Variants in SPICE1 observed in about 807,000 individuals in gnomAD.
The protein encoded by SPICE1 is spindle and centriole-associated protein 1.
In SPICE1, 75 loss-of-function variants were observed where a neutral mutation model predicts 102.7. The observed-to-expected ratio is 0.73, with a 90% CI of 0.61 to 0.88. SPICE1 has a LOEUF of 0.88. Among genes scored for constraint, SPICE1 ranks in the 40% least tolerant of loss-of-function variants. SPICE1 has a pLI of 0.00. For missense variants in SPICE1, 979 were observed against 1,020.1 expected (o/e 0.96, Z 0.55); for synonymous variants, 308 against 350.3 (o/e 0.88, Z 1.35).
At chr3:113,512,419 T>TC (rs1937239539) in intron 1 of SPICE1, among the ~76,000 whole-genome samples, 1 of 148,120 alleles carries the variant, frequency 6.8e-6, no homozygotes, top group East Asian at 2.0e-4. Context: ...TTTTTTTTTT[T>TC]TTTTTTTTGA....
chr3:113,469,425 AATT>A (rs1936143573), intron 7 of SPICE1, among the ~76,000 whole-genome samples, 187 bp from the exon 8 acceptor site: 2 of 146,536 alleles, frequency 1.4e-5, no homozygotes, highest in Non-Finnish European at 3.0e-5. Flanking sequence ...TATAATTTAT[AATT>A]AAATTATATA....
chr3:113,502,518 G>A (rs1576648678), intron 3 of SPICE1, among the ~76,000 whole-genome samples: 1 of 152,172 alleles, frequency 6.6e-6, no homozygotes. Context: ...TTAATGGGTA[G>A]AGGGTTTCAT....
At position 113,493,211 on chromosome 3, in the gene SPICE1, GT is replaced by G; in HGVS notation, c.486del (p.Glu162AspfsTer8). ...CTGTGAGTGGAACACATTACCTGAGGTTCTATGACAGACTCATTAAAGATAG... is the reference window on the plus strand; with the variant it reads ...CTGTGAGTGGAACACATTACCTGAGGTCTATGACAGACTCATTAAAGATAG... ...TQSIFNESVI[E>X]PQALNDVDGE... On this transcript the variant is annotated frameshift_variant, in exon 6 of 18. Coordinates refer to ENST00000295872, the MANE Select transcript of SPICE1 (RefSeq NM_144718.4). LOFTEE classifies it high-confidence loss of function. 2.5e-6 allele frequency: 4 copies of G among 1,599,744 alleles called. No individual in the cohort carries two copies.
chr3:113,450,187 T>C (rs1935612368), intron 15 of SPICE1, 149 bp downstream of exon 15: 7 of 738,076 alleles, frequency 9.5e-6, no homozygotes, highest in Non-Finnish European at 1.6e-5. Context: ...TCACTTATCC[T>C]GTGAGTTAGG....
chr3:113,468,122 T>C lies in SPICE1; in HGVS notation c.1155+17A>G, dbSNP rs1576629282. The C allele has an allele frequency of 6.2e-7, 1 of 1,608,500 alleles. No individual in the cohort carries two copies. Among genetic ancestry groups the C allele is most frequent in the East Asian group, 2.2e-5 (1 of 44,750 alleles). ...TTTCTGCCTGAAAAGAAGACTCTAC[T>C]AACCTAATGTCCTTACCTCTTTAAG... On this transcript the variant is annotated intron_variant, in intron 10 of 17. Coordinates refer to ENST00000295872, the MANE Select transcript of SPICE1 (RefSeq NM_144718.4).
chr3:113,497,879 CT>C (rs554657969), intron 4 of SPICE1, among the ~76,000 whole-genome samples: 6,205 of 131,390 alleles, frequency 0.047, 134 homozygotes, highest in East Asian at 0.11. Context: ...ATCTTTAGGG[CT>C]TTTTTTTTTT....
chr3:113,460,507 T>C, intron 12 of SPICE1, 110 bp downstream of exon 12: 5 of 1,480,758 alleles, frequency 3.4e-6, no homozygotes, highest in Non-Finnish European at 4.5e-6. Context: ...ATACTGTACA[T>C]GCATAAACAG....
chr3:113,455,591 C>T (rs936091785), intron 13 of SPICE1, among the ~76,000 whole-genome samples: 8 of 152,142 alleles, frequency 5.3e-5, no homozygotes, highest in African/African-American at 1.9e-4. Flanking sequence ...CAAAGCTATC[C>T]TAAAAGAGAA....
In SPICE1 at chr3:113,506,510, C is replaced by T; in HGVS notation, c.96G>A (p.Trp32Ter). ...TTACTATCCCACCTATACTCACATC[C>T]CATTCTTGTTTCACTGAAGTTTTCT... Reference protein sequence around the residue: ...KKKKTSVKQEWDNTVTDLTVH... With the variant: ...KKKKTSVKQE The change falls in exon 2 of 18, where the codon TGG (tryptophan) becomes TGA (stop). Residue 32 changes from tryptophan (W) to a stop codon, truncating the protein, a stop_gained. Coordinates refer to ENST00000295872, the MANE Select transcript of SPICE1 (RefSeq NM_144718.4). LOFTEE classifies it high-confidence loss of function. 1 of 1,610,560 alleles carries T rather than the reference C, an allele frequency of 6.2e-7. No individual in the cohort carries two copies. Among genetic ancestry groups the T allele is most frequent in the Non-Finnish European group, 8.5e-7 (1 of 1,177,368 alleles).
At chr3:113,447,310 AAC>A (rs1013739100) in intron 16 of SPICE1, among the ~76,000 whole-genome samples, 31 of 152,198 alleles carry the variant, frequency 2.0e-4, no homozygotes, top group African/African-American at 7.0e-4. Flanking sequence ...CCCCACCTCC[AAC>A]ACACACACAG....
At chr3:113,450,777 C>T (rs781477064) in intron 14 of SPICE1, among the ~76,000 whole-genome samples, 1 of 152,022 alleles carries the variant, frequency 6.6e-6, no homozygotes, top group African/African-American at 2.4e-5. Context: ...GGGGTTTCAC[C>T]GTGTTAGCCA....
At chr3:113,456,444 A>G (rs1935779962) in intron 13 of SPICE1, among the ~76,000 whole-genome samples, 1 of 152,180 alleles carries the variant, frequency 6.6e-6, no homozygotes, top group Admixed American at 6.5e-5. Context: ...AAAATGAAAT[A>G]AAAACAATAG....
intron 10 of SPICE1, among the ~76,000 whole-genome samples, chr3:113,466,464 A>C (rs1009594686): frequency 1.3e-5 from 2 of 151,632 alleles, no homozygotes; most frequent in Non-Finnish European, 2.9e-5. Context: ...ACGAAAATTA[A>C]CTGGGCGTGG....
At chr3:113,445,482 T>A in intron 17 of SPICE1, 122 bp from the exon 18 acceptor site, 1 of 709,160 alleles carries the variant, frequency 1.4e-6, no homozygotes, top group Non-Finnish European at 2.4e-6. Flanking sequence ...TGAATGGTAC[T>A]GGAAATTAAA....
intron 12 of SPICE1, chr3:113,460,334 CT>C (rs1028625469): frequency 6.6e-6 from 6 of 907,760 alleles, no homozygotes; most frequent in Non-Finnish European, 7.9e-6. Context: ...CTCTCTCAGC[CT>C]GTTTCCTCTA....
chr3:113,505,255 G>A (rs1157307041), intron 2 of SPICE1, among the ~76,000 whole-genome samples: 1 of 152,042 alleles, frequency 6.6e-6, no homozygotes, highest in East Asian at 1.9e-4. Flanking sequence ...TTGTTCAAAG[G>A]TCAACTGTAC....
intron 4 of SPICE1, chr3:113,499,237 G>A (rs1936959267): frequency 2.2e-6 from 1 of 446,576 alleles, no homozygotes; most frequent in Non-Finnish European, 3.9e-6. Context: ...CACACAGCTG[G>A]TAAGTAGTAG....
Position 113,445,140 on chromosome 3 carries a change from T to C in SPICE1, c.*167A>G. 2.0e-6 allele frequency: 1 copy of C among 500,308 alleles called. No homozygotes were observed. The highest frequency in any genetic ancestry group is 3.4e-6 in the Non-Finnish European group (1 of 293,044). The allele number at this position is 500,308 out of a possible 1,614,324, so 31.0% of individuals were successfully genotyped here. A position where few individuals can be genotyped will look rare whatever the true frequency, so the allele number is the denominator to read the frequency against. ...AGGTCAGTTGGTTGTTGAAAACTTATTTGAGAAAGTCAAAAAATAATTGCT... is the reference window on the plus strand; with the variant it reads ...AGGTCAGTTGGTTGTTGAAAACTTACTTGAGAAAGTCAAAAAATAATTGCT... On this transcript the variant is annotated 3_prime_UTR_variant, in exon 18 of 18. Coordinates refer to ENST00000295872, the MANE Select transcript of SPICE1 (RefSeq NM_144718.4).
At chr3:113,497,130 G>A (rs532718232) in intron 4 of SPICE1, among the ~76,000 whole-genome samples, 1 of 152,274 alleles carries the variant, frequency 6.6e-6, no homozygotes, top group African/African-American at 2.4e-5. Context: ...CAGAACTTCT[G>A]GGTGACATGT....
Sources: allele counts gnomAD v4.1 joint callset (sites outside exome capture counted in the v4.1 genomes callset), GRCh38; gene constraint gnomAD v4.1.1; transcripts MANE v1.5; gene names NCBI Gene and HGNC (gene_info 2026-07-23, HGNC 2026-07-21).